The following YAP1 variants were observed in gnomAD, a reference collection of about 807,000 sequenced individuals.
The protein encoded by YAP1 is Yes1 associated transcriptional regulator.
Under a neutral mutation model 56.9 loss-of-function variants are expected in YAP1, and 5 were observed. That is an observed-to-expected ratio of 0.09 (90% CI 0.05 to 0.18). The LOEUF (loss-of-function observed/expected upper bound fraction) is 0.18, where lower values mean the gene tolerates loss of function less well. Among genes scored for constraint, YAP1 ranks in the 10% least tolerant of loss-of-function variants. The pLI is 1.00. For missense variants in YAP1, 539 were observed against 651.8 expected, an observed-to-expected ratio of 0.83 and a Z score of 1.88; for synonymous variants, 265 against 248.1, an observed-to-expected ratio of 1.07 and a Z score of -0.64.
intron 2 of YAP1, among the ~76,000 whole-genome samples, chr11:102,148,343 T>TA: frequency 6.6e-6 from 1 of 152,160 alleles, no homozygotes; most frequent in East Asian, 1.9e-4. Flanking sequence ...AGTGTACATT[T>TA]ATGACACTTG....
chr11:102,216,630 A>G (rs1949682438), intron 6 of YAP1, among the ~76,000 whole-genome samples: 1 of 152,192 alleles, frequency 6.6e-6, no homozygotes, highest in Non-Finnish European at 1.5e-5. Context: ...TGGATTGTCT[A>G]CAAAACTGAT....
chr11:102,216,336 T>C (rs1220331638), intron 6 of YAP1, among the ~76,000 whole-genome samples: 2 of 152,102 alleles, frequency 1.3e-5, no homozygotes, highest in African/African-American at 4.8e-5. Context: ...GACATTTTGC[T>C]ACTTTAAAAA....
intron 3 of YAP1, among the ~76,000 whole-genome samples, chr11:102,182,623 TG>T (rs1381210574): frequency 2.0e-5 from 3 of 152,236 alleles, no homozygotes; most frequent in African/African-American, 7.2e-5. Context: ...AGCCTTTATC[TG>T]TATTGTTCCA....
chr11:102,177,231 G>T (rs559071132), intron 3 of YAP1, among the ~76,000 whole-genome samples: 1 of 152,230 alleles, frequency 6.6e-6, no homozygotes, highest in Non-Finnish European at 1.5e-5. Context: ...TTTCAGTACC[G>T]AAGCAGTGCT....
Position 102,231,002 on chromosome 11 carries a change from A to G in YAP1, c.*1062A>G, listed in dbSNP as rs994797557. ...ATTTAGAATACATGACTAGTAGTTT[A>G]TATTTCACTGGTAGTTTAAATCTGG... On this transcript the variant is annotated 3_prime_UTR_variant, in exon 9 of 9. Transcript: ENST00000282441. 1 of 152,200 alleles carries G rather than the reference A, an allele frequency of 6.6e-6. No individual in the cohort carries two copies. Among genetic ancestry groups the G allele is most frequent in the Non-Finnish European group, 1.5e-5 (1 of 68,042 alleles). 9.4% of individuals were successfully genotyped at this position (152,200 alleles called of 1,614,324 possible).
intron 2 of YAP1, among the ~76,000 whole-genome samples, chr11:102,162,083 A>G (rs1946321291): frequency 6.6e-6 from 1 of 152,212 alleles, no homozygotes. Context: ...TCTAGGAGAA[A>G]ATAAGTGTAT....
At chr11:102,117,538 TG>T (rs1943365380) in intron 2 of YAP1, among the ~76,000 whole-genome samples, 1 of 152,204 alleles carries the variant, frequency 6.6e-6, no homozygotes, top group South Asian at 2.1e-4. Flanking sequence ...CATAGATGAT[TG>T]AGTTTTTGAA....
intron 3 of YAP1, among the ~76,000 whole-genome samples, chr11:102,185,764 A>AT (rs1190009596): frequency 6.6e-6 from 1 of 151,868 alleles, no homozygotes; most frequent in African/African-American, 2.4e-5. Context: ...TTCCAAAAGG[A>AT]TTTTTTGGAA....
chr11:102,130,981 C>T (rs1024161683), intron 2 of YAP1, among the ~76,000 whole-genome samples: 2 of 152,026 alleles, frequency 1.3e-5, no homozygotes, highest in African/African-American at 2.4e-5. Context: ...GTGTCATTGT[C>T]CTCTGTGTTT....
At chr11:102,142,475 A>C (rs1370362603) in intron 2 of YAP1, among the ~76,000 whole-genome samples, 1 of 152,252 alleles carries the variant, frequency 6.6e-6, no homozygotes. Flanking sequence ...TTCTCTTAGC[A>C]TGAAGACTGA....
chr11:102,131,976 G>C (rs1168724508), intron 2 of YAP1, among the ~76,000 whole-genome samples: 1 of 152,078 alleles, frequency 6.6e-6, no homozygotes, highest in Non-Finnish European at 1.5e-5. Context: ...AAATTAGCTG[G>C]GCACAGTGGT....
At chr11:102,194,041 G>A (rs933867873) in intron 4 of YAP1, among the ~76,000 whole-genome samples, 13 of 152,134 alleles carry the variant, frequency 8.5e-5, no homozygotes, top group Admixed American at 3.3e-4. Context: ...TCCTGAACTC[G>A]TGATCCGCCC....
At chr11:102,173,677 C>A (rs1947057228) in intron 3 of YAP1, among the ~76,000 whole-genome samples, 1 of 152,042 alleles carries the variant, frequency 6.6e-6, no homozygotes, top group South Asian at 2.1e-4. Context: ...GGAATTTGCC[C>A]AAGGTTAGAA....
At position 102,230,053 on chromosome 11, in the gene YAP1, A is replaced by C; in HGVS notation, c.*113A>C. 2.3e-6 allele frequency: 2 copies of C among 856,562 alleles called. No homozygotes were observed. Among genetic ancestry groups the C allele is most frequent in the South Asian group, 1.6e-5 (1 of 60,684 alleles). The allele number at this position is 856,562 out of a possible 1,614,324, so 53.1% of individuals were successfully genotyped here. A position where few individuals can be genotyped will look rare whatever the true frequency, so the allele number is the denominator to read the frequency against. On this transcript the variant is annotated 3_prime_UTR_variant, in exon 9 of 9. Transcript: ENST00000282441. ...AGGCTAATACAGAAAAAGATGAACAAACGTCCAGCAAGATACTTTAATCCT... is the reference window on the plus strand; with the variant it reads ...AGGCTAATACAGAAAAAGATGAACACACGTCCAGCAAGATACTTTAATCCT...
intron 2 of YAP1, among the ~76,000 whole-genome samples, chr11:102,129,172 T>G (rs1341064042): frequency 1.3e-5 from 2 of 152,204 alleles, no homozygotes; most frequent in Non-Finnish European, 2.9e-5. Context: ...GGTGCTCATT[T>G]AATAGAGAAC....
At chr11:102,146,195 A>G (rs1945312906) in intron 2 of YAP1, among the ~76,000 whole-genome samples, 1 of 152,124 alleles carries the variant, frequency 6.6e-6, no homozygotes, top group Admixed American at 6.6e-5. Context: ...TTTAATTAAT[A>G]AAAGACAAAT....
At chr11:102,140,715 C>T (rs573165074) in intron 2 of YAP1, among the ~76,000 whole-genome samples, 1 of 152,092 alleles carries the variant, frequency 6.6e-6, no homozygotes, top group Non-Finnish European at 1.5e-5. Flanking sequence ...TGGTTGTGCG[C>T]ACCTGTAATC....
chr11:102,116,386 T>C (rs1164447429), intron 2 of YAP1, among the ~76,000 whole-genome samples: 1 of 152,222 alleles, frequency 6.6e-6, no homozygotes, highest in East Asian at 1.9e-4. Flanking sequence ...TTAGTACATG[T>C]AGGAGGTCCT....
chr11:102,223,554 T>C, intron 6 of YAP1, 68 bp from the exon 7 acceptor site: 1 of 1,541,008 alleles, frequency 6.5e-7, no homozygotes. Flanking sequence ...GAACGTTTTA[T>C]TTCTTTAAAC....
Sources: allele counts gnomAD v4.1 joint callset (sites outside exome capture counted in the v4.1 genomes callset), GRCh38; gene constraint gnomAD v4.1.1; transcripts MANE v1.5; gene names NCBI Gene and HGNC (gene_info 2026-07-23, HGNC 2026-07-21).